Variants in DAAM1 observed in about 807,000 individuals in gnomAD.
DAAM1 encodes dishevelled associated activator of morphogenesis 1.
In DAAM1, 52 loss-of-function variants were observed where a neutral mutation model predicts 130.0. That is an observed-to-expected ratio of 0.40 (90% CI 0.32 to 0.50). The LOEUF is 0.50. Ranked by LOEUF, DAAM1 falls within the 20% of genes least tolerant of loss-of-function variation. The pLI is 0.61. For synonymous variants in DAAM1, 452 were observed against 444.5 expected, an observed-to-expected ratio of 1.02 and a Z score of -0.21; for missense variants, 1,134 against 1,303.8, an observed-to-expected ratio of 0.87 and a Z score of 2.01.
In DAAM1 at chr14:59,263,625, G is replaced by T. The variant is rs903813330; in HGVS notation, c.148G>T (p.Val50Leu). The T allele has an allele frequency of 2.5e-6, 4 of 1,614,202 alleles. No individual in the cohort carries two copies. Among genetic ancestry groups the T allele is most frequent in the South Asian group, 2.2e-5 (2 of 91,082 alleles). The change falls in exon 2 of 25, where the codon GTG becomes TTG. Residue 50 changes from valine (V) to leucine (L), a missense_variant. By Grantham distance (32) the Val-to-Leu change is conservative. Coordinates refer to ENST00000360909, the MANE Select transcript of DAAM1 (RefSeq NM_001270520.2). ...TMEPALPMPP[V>L]EELDVMFSEL... ...GGAACCAGCATTGCCCATGCCCCCT[G>T]TGGAGGAGCTGGATGTCATGTTCAG...
chr14:59,275,791 G>C (rs1478028592), intron 2 of DAAM1, among the ~76,000 whole-genome samples: 1 of 152,146 alleles, frequency 6.6e-6, no homozygotes, highest in African/African-American at 2.4e-5. Flanking sequence ...CTATTAGTCA[G>C]CCTTTGCTTG....
chr14:59,309,625 C>T (rs571730714), intron 3 of DAAM1, among the ~76,000 whole-genome samples: 3 of 152,184 alleles, frequency 2.0e-5, no homozygotes, highest in Non-Finnish European at 4.4e-5. Flanking sequence ...TTTCTTACTA[C>T]ACAACAGCAG....
At chr14:59,349,532 T>C (rs562967880) in intron 17 of DAAM1, among the ~76,000 whole-genome samples, 1 of 152,344 alleles carries the variant, frequency 6.6e-6, no homozygotes, top group South Asian at 2.1e-4. Context: ...CTATTTGTTC[T>C]TTACTTCCGT....
intron 23 of DAAM1, among the ~76,000 whole-genome samples, chr14:59,367,083 G>A (rs1370008744): frequency 1.3e-5 from 2 of 152,088 alleles, no homozygotes; most frequent in Non-Finnish European, 2.9e-5. Flanking sequence ...GAGGTCAGAA[G>A]TTGAGACCAG....
At chr14:59,199,345 G>A (rs1018109228) in intron 1 of DAAM1, among the ~76,000 whole-genome samples, 1 of 151,982 alleles carries the variant, frequency 6.6e-6, no homozygotes, top group Non-Finnish European at 1.5e-5. Context: ...CAATCCTCCC[G>A]CCTCAGCCTC....
At chr14:59,354,511 G>T (rs191996961) in intron 19 of DAAM1, among the ~76,000 whole-genome samples, 1 of 152,168 alleles carries the variant, frequency 6.6e-6, no homozygotes, top group Non-Finnish European at 1.5e-5. Context: ...TTTTGACTAC[G>T]AGGGTGTTGG....
intron 1 of DAAM1, among the ~76,000 whole-genome samples, chr14:59,197,893 C>T (rs893428186): frequency 4.6e-5 from 7 of 152,144 alleles, no homozygotes; most frequent in East Asian, 1.9e-4. Flanking sequence ...TGTCTTCCCC[C>T]CTTAACCCTC....
intron 16 of DAAM1, among the ~76,000 whole-genome samples, chr14:59,344,820 A>T (rs1349932281): frequency 6.6e-6 from 1 of 152,180 alleles, no homozygotes; most frequent in Non-Finnish European, 1.5e-5. Flanking sequence ...TGAAATGCAA[A>T]TCTGATACTT....
chr14:59,321,359 GTGT>G (rs1344239624), intron 5 of DAAM1, among the ~76,000 whole-genome samples: 11 of 152,222 alleles, frequency 7.2e-5, no homozygotes, highest in Non-Finnish European at 1.0e-4. Flanking sequence ...AAATTAGCTA[GTGT>G]TGTTGGTCAC....
intron 1 of DAAM1, among the ~76,000 whole-genome samples, chr14:59,189,397 G>A (rs910070026): frequency 6.6e-6 from 1 of 152,232 alleles, no homozygotes; most frequent in Admixed American, 6.5e-5. Context: ...GGGAAATCGG[G>A]CGTTGCGGAG....
chr14:59,370,322 A>C lies in DAAM1; in HGVS notation c.*1463A>C, dbSNP rs1377084498. The C allele has an allele frequency of 1.3e-5, 2 of 151,980 alleles. 1 individual carries two copies. Among genetic ancestry groups the C allele is most frequent in the Non-Finnish European group, 2.9e-5 (2 of 67,970 alleles). 9.4% of individuals were successfully genotyped at this position (151,980 alleles called of 1,614,324 possible). A position where few individuals can be genotyped will look rare whatever the true frequency, so the allele number is the denominator to read the frequency against. On this transcript the variant is annotated 3_prime_UTR_variant, in exon 25 of 25. Coordinates refer to ENST00000360909, the MANE Select transcript of DAAM1 (RefSeq NM_001270520.2). ...CTAAATTGAGTTTTTCAGTCAATTAACAAATATTTATTAAGTTCCTACTAT... is the reference window on the plus strand; with the variant it reads ...CTAAATTGAGTTTTTCAGTCAATTACCAAATATTTATTAAGTTCCTACTAT...
In DAAM1 at chr14:59,289,522, G is replaced by A. The variant is rs530158771; in HGVS notation, c.184-1695G>A. 5.3e-5 allele frequency among the ~76,000 whole-genome samples: 8 copies of A among 152,250 alleles called. No individual in the cohort carries two copies. In the South Asian group the frequency reaches 1.7e-3, roughly 32 times the overall value. The stretch of plus-strand genomic sequence containing the variant: ...AGAGAAGAGGGAACAGTTATACACT[G>A]TTGGTAAGAATGCAAATTAGTTCAG... On this transcript the variant is annotated intron_variant, in intron 2 of 24. Coordinates refer to ENST00000360909, the MANE Select transcript of DAAM1 (RefSeq NM_001270520.2).
chr14:59,312,279 A>G (rs1884629191), intron 3 of DAAM1, among the ~76,000 whole-genome samples: 1 of 152,206 alleles, frequency 6.6e-6, no homozygotes, highest in Non-Finnish European at 1.5e-5. Flanking sequence ...CATTATTGTC[A>G]GAGCTAGCAT....
At chr14:59,315,810 A>G (rs1383444268) in intron 4 of DAAM1, among the ~76,000 whole-genome samples, 1 of 152,182 alleles carries the variant, frequency 6.6e-6, no homozygotes, top group Non-Finnish European at 1.5e-5. Context: ...CAGGGGACCA[A>G]GTACTCTTTA....
intron 1 of DAAM1, among the ~76,000 whole-genome samples, chr14:59,208,712 G>A (rs1888338628): frequency 6.6e-6 from 1 of 152,064 alleles, no homozygotes; most frequent in African/African-American, 2.4e-5. Context: ...ATCTCATGTC[G>A]AAATGTAATC....
At chr14:59,350,468 CA>C (rs1181779905) in intron 17 of DAAM1, among the ~76,000 whole-genome samples, 2 of 151,860 alleles carry the variant, frequency 1.3e-5, no homozygotes, top group South Asian at 2.1e-4. Context: ...CTTACACACA[CA>C]CACACACACA....
chr14:59,359,288 C>A, intron 20 of DAAM1, 109 bp from the exon 21 acceptor site: 1 of 837,756 alleles, frequency 1.2e-6, no homozygotes, highest in Non-Finnish European at 1.8e-6. Flanking sequence ...ATTGTGGGTT[C>A]TACCATTTGA....
intron 1 of DAAM1, among the ~76,000 whole-genome samples, chr14:59,234,087 T>C (rs1427549756): frequency 5.3e-5 from 8 of 152,224 alleles, no homozygotes; most frequent in Non-Finnish European, 1.2e-4. Context: ...TTTGTTCTTC[T>C]TGCTTAGGAT....
intron 5 of DAAM1, among the ~76,000 whole-genome samples, chr14:59,321,362 T>G (rs1467528127): frequency 6.6e-6 from 1 of 152,200 alleles, no homozygotes; most frequent in Non-Finnish European, 1.5e-5. Flanking sequence ...TTAGCTAGTG[T>G]TGTTGGTCAC....
Sources: gnomAD v4.1 joint callset for allele counts (sites outside exome capture counted in the v4.1 genomes callset) on GRCh38, gnomAD v4.1.1 for gene constraint, MANE v1.5 for transcripts, NCBI Gene and HGNC (gene_info 2026-07-23, HGNC 2026-07-21) for gene names.